The following GTF2I variants were observed in gnomAD, a reference collection of about 807,000 sequenced individuals.
The protein encoded by GTF2I is general transcription factor II-I.
GTF2I carries 12 observed loss-of-function variants against 67.6 expected under a neutral mutation model. That is an observed-to-expected ratio of 0.18 (90% CI 0.11 to 0.29). The LOEUF (loss-of-function observed/expected upper bound fraction) is 0.29, where lower values mean the gene tolerates loss of function less well. GTF2I is among the 10% of genes least tolerant of loss of function. The pLI is 1.00. For missense variants in GTF2I, 271 were observed against 580.1 expected (o/e 0.47, Z 5.47); for synonymous variants, 149 against 197.0 (o/e 0.76, Z 2.04).
intron 12 of GTF2I, among the ~76,000 whole-genome samples, chr7:74,720,545 G>A (rs190527314): frequency 1.1e-3 from 166 of 152,078 alleles, no homozygotes; most frequent in African/African-American, 4.0e-3. Flanking sequence ...TTAAATGGTT[G>A]AAATTTAATT....
intron 1 of GTF2I, among the ~76,000 whole-genome samples, chr7:74,682,728 G>A (rs1183375180): frequency 6.6e-6 from 1 of 152,142 alleles, no homozygotes; most frequent in Non-Finnish European, 1.5e-5. Context: ...GGGAACAACA[G>A]AAATAGTCCT....
At chr7:74,663,172 C>G (rs1486133276) in intron 1 of GTF2I, among the ~76,000 whole-genome samples, 1 of 151,742 alleles carries the variant, frequency 6.6e-6, no homozygotes, top group Non-Finnish European at 1.5e-5. Context: ...TTTATATAAA[C>G]ATGAGTTTTT....
chr7:74,682,480 A>G (rs782517786), intron 1 of GTF2I, among the ~76,000 whole-genome samples: 99 of 152,226 alleles, frequency 6.5e-4, no homozygotes, highest in Non-Finnish European at 1.2e-3. Flanking sequence ...TGAGAGACTC[A>G]GAATAGTCTG....
At chr7:74,696,594 G>A (rs1414316527) in intron 3 of GTF2I, among the ~76,000 whole-genome samples, 1 of 151,604 alleles carries the variant, frequency 6.6e-6, no homozygotes, top group Non-Finnish European at 1.5e-5. Context: ...CCGGGTTCAC[G>A]CCATTCTTCT....
chr7:74,690,140 G>A (rs999659660), intron 2 of GTF2I, among the ~76,000 whole-genome samples: 17 of 151,976 alleles, frequency 1.1e-4, no homozygotes, highest in Non-Finnish European at 1.3e-4. Flanking sequence ...GCTTGAACCC[G>A]TGAGGTGGAG....
chr7:74,730,781 A>G (rs1470201202), intron 14 of GTF2I, among the ~76,000 whole-genome samples: 2 of 111,056 alleles, frequency 1.8e-5, no homozygotes, highest in African/African-American at 3.6e-5. Context: ...ATCTCGGCTC[A>G]TTGCAACCTC....
intron 3 of GTF2I, among the ~76,000 whole-genome samples, chr7:74,697,396 G>GA (rs1259261341): frequency 2.6e-4 from 39 of 149,502 alleles, no homozygotes; most frequent in East Asian, 7.8e-4. Context: ...TCCGTCTCCA[G>GA]AAAAAAAAAA....
At chr7:74,680,528 C>G (rs960112653) in intron 1 of GTF2I, among the ~76,000 whole-genome samples, 4 of 151,782 alleles carry the variant, frequency 2.6e-5, no homozygotes, top group Non-Finnish European at 5.9e-5. Flanking sequence ...ATCATTTGAT[C>G]TCAGGAGTTC....
In GTF2I at chr7:74,714,147, T is replaced by G. The variant is rs928866819; in HGVS notation, c.764-710T>G. Among the ~76,000 whole-genome samples the G allele has an allele frequency of 2.6e-5, 4 of 152,184 alleles. No individual in the cohort carries two copies. The South Asian group carries it at 6.2e-4, about 24-fold the overall frequency. On this transcript the variant is annotated intron_variant, in intron 9 of 34. Transcript: ENST00000573035. ...AGCCATTGAAAACACAATGTTTTGT[T>G]TTCTATTTTAAAACTATTATTATTT... is the stretch of plus-strand genomic sequence containing the variant.
At chr7:74,660,840 G>A (rs1245788823) in intron 1 of GTF2I, among the ~76,000 whole-genome samples, 1 of 151,874 alleles carries the variant, frequency 6.6e-6, no homozygotes, top group Non-Finnish European at 1.5e-5. Flanking sequence ...TGTTGAGCTC[G>A]TAGGGGCAGG....
intron 26 of GTF2I, among the ~76,000 whole-genome samples, chr7:74,750,357 A>C (rs1795736039): frequency 9.7e-6 from 1 of 103,532 alleles, no homozygotes; most frequent in African/African-American, 2.7e-5. Flanking sequence ...AGACAGGAGA[A>C]TCACTTGAAC....
intron 1 of GTF2I, among the ~76,000 whole-genome samples, chr7:74,668,293 G>A (rs1805163305): frequency 6.7e-6 from 1 of 148,962 alleles, no homozygotes; most frequent in African/African-American, 2.5e-5. Context: ...CCTTCTTGTG[G>A]TTTTTGGAGT....
At chr7:74,660,081 C>T (rs1264276626) in intron 1 of GTF2I, among the ~76,000 whole-genome samples, 1 of 151,996 alleles carries the variant, frequency 6.6e-6, no homozygotes, top group African/African-American at 2.4e-5. Context: ...GCTTTCGTTT[C>T]TCCTCCTCCT....
intron 12 of GTF2I, among the ~76,000 whole-genome samples, chr7:74,721,834 C>A (rs1793044800): frequency 6.6e-6 from 1 of 151,366 alleles, no homozygotes; most frequent in Non-Finnish European, 1.5e-5. Context: ...GAAAAAAGAT[C>A]TCTAATATAA....
intron 1 of GTF2I, among the ~76,000 whole-genome samples, chr7:74,683,165 G>A (rs1301783875): frequency 6.6e-6 from 1 of 151,684 alleles, no homozygotes; most frequent in African/African-American, 2.4e-5. Flanking sequence ...ATGAATGACA[G>A]ACATATGTTT....
intron 6 of GTF2I, among the ~76,000 whole-genome samples, chr7:74,703,889 A>G (rs1554400535): frequency 6.6e-6 from 1 of 152,232 alleles, no homozygotes; most frequent in Non-Finnish European, 1.5e-5. Flanking sequence ...ATTCCAGGAC[A>G]ATTTGCAGAA....
chr7:74,716,364 T>C (rs1380812240), intron 10 of GTF2I, among the ~76,000 whole-genome samples: 1 of 152,132 alleles, frequency 6.6e-6, no homozygotes, highest in African/African-American at 2.4e-5. Context: ...TATCTTAAAT[T>C]TTAACTTACG....
chr7:74,722,886 A>G (rs1309152511), intron 12 of GTF2I: 1 of 152,144 alleles, frequency 6.6e-6, no homozygotes, highest in Non-Finnish European at 1.5e-5. Context: ...ATATGTAAAA[A>G]AAGGAGTCTC....
intron 6 of GTF2I, among the ~76,000 whole-genome samples, chr7:74,703,796 T>G (rs1226546958): frequency 1.3e-5 from 2 of 152,248 alleles, no homozygotes; most frequent in Non-Finnish European, 2.9e-5. Flanking sequence ...CACATTTAGA[T>G]CTATGGTTCA....
Sources: allele counts gnomAD v4.1 joint callset (sites outside exome capture counted in the v4.1 genomes callset), GRCh38; gene constraint gnomAD v4.1.1; transcripts MANE v1.5; gene names NCBI Gene and HGNC (gene_info 2026-07-23, HGNC 2026-07-21).